Variants in ZC3H12B observed in about 807,000 individuals in gnomAD.
ZC3H12B encodes probable ribonuclease ZC3H12B.
In ZC3H12B, 7 loss-of-function variants were observed where a neutral mutation model predicts 43.9. The observed-to-expected ratio is 0.16, with a 90% CI of 0.09 to 0.30. The LOEUF is 0.30. Ranked by LOEUF, ZC3H12B falls within the 10% of genes least tolerant of loss-of-function variation. The pLI, the probability that ZC3H12B is intolerant of heterozygous loss-of-function variation, is 1.00. For missense variants in ZC3H12B, 475 were observed against 670.2 expected, an observed-to-expected ratio of 0.71 and a Z score of 3.22; for synonymous variants, 222 against 241.7, an observed-to-expected ratio of 0.92 and a Z score of 0.76.
chrX:65,054,091 G>C, the ZC3H12B span, among the ~76,000 whole-genome samples: 1 of 112,103 alleles, frequency 8.9e-6, no homozygotes, highest in Admixed American at 9.4e-5. Flanking sequence ...TTCTTTTGCT[G>C]TGCAGAAGCT....
chrX:65,283,115 C>T, the ZC3H12B span, among the ~76,000 whole-genome samples: 2,296 of 111,344 alleles, frequency 0.021, 27 homozygotes, highest in Non-Finnish European at 0.031. Context: ...CATCGAAAAG[C>T]TTATCCACCA....
At chrX:65,462,282 G>A (rs2067761259) in intron 3 of ZC3H12B, among the ~76,000 whole-genome samples, 1 of 111,056 alleles carries the variant, frequency 9.0e-6, no homozygotes, top group South Asian at 3.8e-4. Context: ...AGGCCAGGGC[G>A]GGTGGATCAC....
intron 3 of ZC3H12B, among the ~76,000 whole-genome samples, chrX:65,418,582 C>G (rs888757103): frequency 1.8e-5 from 2 of 111,448 alleles, no homozygotes; most frequent in Non-Finnish European, 3.8e-5. Flanking sequence ...ACAACCAAGT[C>G]AAAGCAACAA....
chrX:65,390,963 A>C (rs1202194964), intron 2 of ZC3H12B, among the ~76,000 whole-genome samples: 2 of 112,150 alleles, frequency 1.8e-5, no homozygotes, highest in Non-Finnish European at 3.8e-5. Context: ...AAAGAGACCA[A>C]CAATAGAACT....
At chrX:65,431,681 G>A (rs947263094) in intron 3 of ZC3H12B, among the ~76,000 whole-genome samples, 7 of 112,169 alleles carry the variant, frequency 6.2e-5, no homozygotes, top group African/African-American at 2.3e-4. Flanking sequence ...TGCCCATTCC[G>A]AGAGATTTAT....
At chrX:65,109,783 C>T in the ZC3H12B span, among the ~76,000 whole-genome samples, 6 of 111,540 alleles carry the variant, frequency 5.4e-5, no homozygotes, top group South Asian at 1.9e-3. Flanking sequence ...GACTGTTTTG[C>T]AAAATAGACG....
the ZC3H12B span, among the ~76,000 whole-genome samples, chrX:65,258,277 G>C: frequency 1.8e-5 from 2 of 111,892 alleles, no homozygotes; most frequent in South Asian, 3.7e-4. Flanking sequence ...ACTCAACTCA[G>C]TAAATGATTC....
upstream of ZC3H12B, among the ~76,000 whole-genome samples, chrX:65,364,135 G>T (rs1219286093): frequency 4.5e-5 from 5 of 110,871 alleles, no homozygotes. Context: ...ACCAGCAAAG[G>T]CAGGCTATGT....
chrX:65,406,212 T>C (rs1161309155), intron 3 of ZC3H12B, among the ~76,000 whole-genome samples: 1 of 109,120 alleles, frequency 9.2e-6, no homozygotes, highest in African/African-American at 3.3e-5. Flanking sequence ...CAGTTCAATA[T>C]CTCTGATGAA....
At chrX:65,233,191 T>C in the ZC3H12B span, among the ~76,000 whole-genome samples, 1 of 111,799 alleles carries the variant, frequency 8.9e-6, no homozygotes, top group Non-Finnish European at 1.9e-5. Flanking sequence ...ATAGATCATG[T>C]AGACAAAAAA....
chrX:65,376,814 C>A (rs990403540), intron 2 of ZC3H12B, among the ~76,000 whole-genome samples: 6 of 110,504 alleles, frequency 5.4e-5, no homozygotes, highest in Admixed American at 9.7e-5. Context: ...AAAAACAAAC[C>A]CAGATTGTGA....
At chrX:65,148,136 G>A in the ZC3H12B span, among the ~76,000 whole-genome samples, 4 of 111,148 alleles carry the variant, frequency 3.6e-5, no homozygotes, top group East Asian at 2.9e-4. Flanking sequence ...TGGGCAGTCC[G>A]GGGACTTATA....
the ZC3H12B span, among the ~76,000 whole-genome samples, chrX:65,331,704 C>T: frequency 9.0e-6 from 1 of 110,663 alleles, no homozygotes; most frequent in Non-Finnish European, 1.9e-5. Context: ...ATTATTACTT[C>T]TTGATTATAT....
intron 3 of ZC3H12B, among the ~76,000 whole-genome samples, chrX:65,458,062 TAAAAAAA>T (rs56840636): frequency 6.3e-5 from 1 of 15,869 alleles, no homozygotes; most frequent in South Asian, 4.0e-3. Flanking sequence ...GAATGATCAA[TAAAAAAA>T]AAAAAAAAAA....
intron 2 of ZC3H12B, among the ~76,000 whole-genome samples, chrX:65,392,421 A>G (rs111618409): frequency 0.084 from 9,185 of 109,993 alleles, 1,021 homozygotes; most frequent in African/African-American, 0.29. Flanking sequence ...CCAGCTGCCC[A>G]GTCTGAGAAG....
At chrX:65,083,342 TCTTATA>T in the ZC3H12B span, among the ~76,000 whole-genome samples, 1 of 111,783 alleles carries the variant, frequency 8.9e-6, no homozygotes, top group Admixed American at 9.5e-5. Flanking sequence ...GCAGATATGA[TCTTATA>T]CTTAGAAAAA....
intron 2 of ZC3H12B, 131 bp downstream of exon 7, chrX:65,497,402 T>A: frequency 1.6e-6 from 1 of 612,088 alleles, no homozygotes; most frequent in African/African-American, 2.3e-5. Context: ...ATTAAGCATA[T>A]ATTTGAAAAA....
At chrX:65,350,159 G>A in the ZC3H12B span, among the ~76,000 whole-genome samples, 7 of 101,288 alleles carry the variant, frequency 6.9e-5, no homozygotes, top group Non-Finnish European at 9.4e-5. Context: ...CTTATCCAAC[G>A]CCATCAAGTC....
the ZC3H12B span, among the ~76,000 whole-genome samples, chrX:65,211,906 G>T: frequency 8.5e-5 from 5 of 58,905 alleles, no homozygotes; most frequent in Non-Finnish European, 1.1e-4. Context: ...TAATATATAT[G>T]TTATGTATAC....
Sources: allele counts gnomAD v4.1 joint callset (sites outside exome capture counted in the v4.1 genomes callset), GRCh38; gene constraint gnomAD v4.1.1; transcripts MANE v1.5; gene names NCBI Gene and HGNC (gene_info 2026-07-23, HGNC 2026-07-21).